The following SEL1L2 variants were observed in gnomAD, a reference collection of about 807,000 sequenced individuals.
The protein encoded by SEL1L2 is SEL1L2 adaptor subunit of SYVN1 ubiquitin ligase, also known as protein sel-1 homolog 2.
SEL1L2 carries 89 observed loss-of-function variants against 98.8 expected under a neutral mutation model. The observed-to-expected ratio is 0.90, with a 90% CI of 0.76 to 1.07. The LOEUF (loss-of-function observed/expected upper bound fraction) is 1.07. SEL1L2 is among the 50% of genes least tolerant of loss of function. The pLI, the probability that SEL1L2 is intolerant of heterozygous loss-of-function variation, is 0.00. For synonymous variants in SEL1L2, 262 were observed against 278.5 expected (o/e 0.94, Z 0.59); for missense variants, 788 against 812.0 (o/e 0.97, Z 0.36).
intron 18 of SEL1L2, among the ~76,000 whole-genome samples, chr20:13,857,689 T>C (rs1430942705): frequency 6.6e-6 from 1 of 152,238 alleles, no homozygotes; most frequent in East Asian, 1.9e-4. Context: ...TTATCCCTTC[T>C]ATAGACAGTG....
chr20:13,962,512 T>C (rs1327218150), intron 1 of SEL1L2, among the ~76,000 whole-genome samples: 1 of 152,064 alleles, frequency 6.6e-6, no homozygotes, highest in East Asian at 1.9e-4. Flanking sequence ...TGAGAGTGAG[T>C]CCAGATGAGA....
In SEL1L2 at chr20:13,876,083, T is replaced by G; in HGVS notation, c.1059A>C (p.Gln353His). The change falls in exon 12 of 20, where the codon CAA becomes CAC. Residue 353 changes from glutamine to histidine, a missense_variant. Gln to His is a conservative substitution (Grantham distance 24). Transcript: ENST00000284951. The part of the protein sequence containing the change: ...MYLEGNAAVP[Q>H]NNATAFKYFS... ...AGTACTTGAAGGCAGTAGCGTTATT[T>G]TGCGGCACGGCAGCATTCCCCTCTA... The G allele has an allele frequency of 6.2e-7, 1 of 1,614,122 alleles. No individual in the cohort carries two copies. The highest frequency in any genetic ancestry group is 1.1e-5 in the South Asian group (1 of 91,082).
At chr20:13,878,705 T>G (rs2046552218) in intron 10 of SEL1L2, among the ~76,000 whole-genome samples, 1 of 152,198 alleles carries the variant, frequency 6.6e-6, no homozygotes, top group Non-Finnish European at 1.5e-5. Flanking sequence ...CATCCATTCA[T>G]CCATCCAGCT....
At chr20:13,879,742 C>A (rs1373036385) in intron 10 of SEL1L2, among the ~76,000 whole-genome samples, 1 of 152,078 alleles carries the variant, frequency 6.6e-6, no homozygotes, top group African/African-American at 2.4e-5. Flanking sequence ...AGATAAAATG[C>A]CTGGAATCAT....
intron 5 of SEL1L2, among the ~76,000 whole-genome samples, chr20:13,906,103 T>C (rs2047919331): frequency 6.6e-6 from 1 of 152,044 alleles, no homozygotes; most frequent in Non-Finnish European, 1.5e-5. Context: ...CTCGAACTCC[T>C]GACCTAAAAT....
In SEL1L2 at chr20:13,936,967, A is replaced by G. The variant is rs184385304; in HGVS notation, c.115-5196T>C. The stretch of plus-strand genomic sequence containing the variant: ...AGATTCCTCACAGTCTGACCTAAAA[A>G]TGTCACAGTGAGCTTGTTTCTTACT... On this transcript the variant is annotated intron_variant, in intron 2 of 19. Transcript: ENST00000284951. 1.3e-3 allele frequency among the ~76,000 whole-genome samples: 197 copies of G among 152,354 alleles called. 3 individuals are homozygous for G. Among genetic ancestry groups the G allele is most frequent in the Admixed American group, 4.1e-3 (62 of 15,304 alleles).
Position 13,881,248 on chromosome 20 carries a change from A to G in SEL1L2, c.958-3660T>C, listed in dbSNP as rs1045592590. Among the ~76,000 whole-genome samples, 4 of 152,146 alleles carry G rather than the reference A, an allele frequency of 2.6e-5. No homozygotes were observed. The South Asian group carries it at 8.3e-4, about 32-fold the overall frequency. On this transcript the variant is annotated intron_variant, in intron 10 of 19. Transcript: ENST00000284951. ...AAGATGGTCTCAATCTCTTGACCTCATGATCTGCCCGCCTCAGCTTCCCAA... is the reference window on the plus strand; with the variant it reads ...AAGATGGTCTCAATCTCTTGACCTCGTGATCTGCCCGCCTCAGCTTCCCAA...
At chr20:13,885,079 T>C (rs1202060387) in intron 10 of SEL1L2, among the ~76,000 whole-genome samples, 2 of 152,118 alleles carry the variant, frequency 1.3e-5, no homozygotes, top group East Asian at 1.9e-4. Context: ...TGCGCAGAAC[T>C]AGGTTCTGTT....
intron 17 of SEL1L2, among the ~76,000 whole-genome samples, chr20:13,863,167 T>A (rs1176025924): frequency 6.6e-6 from 1 of 152,160 alleles, no homozygotes; most frequent in African/African-American, 2.4e-5. Flanking sequence ...AAGAGAAACC[T>A]ATTCCATCTC....
At chr20:13,909,001 T>C (rs1036138780) in intron 5 of SEL1L2, among the ~76,000 whole-genome samples, 7 of 149,068 alleles carry the variant, frequency 4.7e-5, no homozygotes, top group Admixed American at 3.3e-4. Flanking sequence ...ACCAGACCTC[T>C]GGCACTCCAG....
intron 1 of SEL1L2, among the ~76,000 whole-genome samples, chr20:13,976,658 G>T (rs1601008965): frequency 6.6e-6 from 1 of 152,198 alleles, no homozygotes; most frequent in Non-Finnish European, 1.5e-5. Flanking sequence ...CTCAGCAGGA[G>T]AACATAATGA....
chr20:13,876,168 T>C, intron 11 of SEL1L2, 53 bp from the exon 12 acceptor site: 1 of 1,278,920 alleles, frequency 7.8e-7, no homozygotes, highest in Non-Finnish European at 1.1e-6. Flanking sequence ...TTGAGAGTAA[T>C]GCAAATATTT....
At chr20:13,955,969 T>TAAA in intron 2 of SEL1L2, 107 bp downstream of exon 2, 1 of 589,792 alleles carries the variant, frequency 1.7e-6, no homozygotes, top group Non-Finnish European at 3.0e-6. Flanking sequence ...GATTGAGAAT[T>TAAA]AAAAAAAAAA....
chr20:13,955,832 T>A (rs2050510709), intron 2 of SEL1L2, among the ~76,000 whole-genome samples: 2 of 152,178 alleles, frequency 1.3e-5, no homozygotes, highest in African/African-American at 4.8e-5. Context: ...CCACAATTAC[T>A]TTTGCACCAA....
At chr20:13,914,996 C>T in intron 4 of SEL1L2, 2 of 774,682 alleles carry the variant, frequency 2.6e-6, no homozygotes, top group South Asian at 3.8e-5. Flanking sequence ...ACTTTTATAA[C>T]TTCGTTTTGA....
At chr20:13,920,663 T>A (rs1009222997) in intron 3 of SEL1L2, among the ~76,000 whole-genome samples, 50 of 152,098 alleles carry the variant, frequency 3.3e-4, no homozygotes, top group African/African-American at 1.1e-3. Context: ...CTTAGTAAAA[T>A]CTTTGATTAG....
intron 5 of SEL1L2, among the ~76,000 whole-genome samples, chr20:13,911,445 G>A (rs374181749): frequency 2.0e-5 from 3 of 152,290 alleles, no homozygotes; most frequent in Non-Finnish European, 2.9e-5. Flanking sequence ...ATTTTTAGTG[G>A]AGGAAACTGT....
intron 1 of SEL1L2, among the ~76,000 whole-genome samples, chr20:13,973,651 G>A (rs1157934002): frequency 6.6e-6 from 1 of 152,158 alleles, no homozygotes; most frequent in Non-Finnish European, 1.5e-5. Flanking sequence ...ACCTAATGGC[G>A]ATTTGTCTCT....
In SEL1L2 at chr20:13,868,920, G is replaced by A. The variant is rs183917108; in HGVS notation, c.1255+583C>T. 1.5e-3 allele frequency among the ~76,000 whole-genome samples: 225 copies of A among 151,926 alleles called. 1 individual carries two copies. Among genetic ancestry groups the A allele is most frequent in the Non-Finnish European group, 1.6e-3 (107 of 67,924 alleles). ...GCCTCTTACTTGTTTTTTAAACCAG[G>A]TTTCTCACTGCATTTCACAGGGGTG... On this transcript the variant is annotated intron_variant, in intron 14 of 19. Coordinates refer to ENST00000284951, the MANE Select transcript of SEL1L2 (RefSeq NM_025229.2).
Sources: allele counts gnomAD v4.1 joint callset (sites outside exome capture counted in the v4.1 genomes callset), GRCh38; gene constraint gnomAD v4.1.1; transcripts MANE v1.5; gene names NCBI Gene and HGNC (gene_info 2026-07-23, HGNC 2026-07-21).